RNF141: variants seen among roughly 807,000 people sequenced by gnomAD.
RNF141 encodes the protein ring finger protein 141.
Under a neutral mutation model 27.4 loss-of-function variants are expected in RNF141, and 18 were observed. The ratio of observed to expected loss-of-function variants is 0.66; its 90% confidence interval spans 0.45 to 0.97. The LOEUF is 0.97. RNF141 is among the 50% of genes least tolerant of loss of function. RNF141 has a pLI of 0.00. For synonymous variants in RNF141, 97 were observed against 96.6 expected, an observed-to-expected ratio of 1.00 and a Z score of -0.02; for missense variants, 230 against 279.4, an observed-to-expected ratio of 0.82 and a Z score of 1.26.
chr11:10,540,509 G>C (rs1328949996), intron 1 of RNF141, among the ~76,000 whole-genome samples: 1 of 152,132 alleles, frequency 6.6e-6, no homozygotes, highest in Non-Finnish European at 1.5e-5. Flanking sequence ...GCAAGAAAAC[G>C]TTCTTTTCTT....
intron 3 of RNF141, among the ~76,000 whole-genome samples, chr11:10,527,785 G>A (rs117752844): frequency 6.6e-6 from 1 of 152,158 alleles, no homozygotes; most frequent in Admixed American, 6.5e-5. Flanking sequence ...GAAGCAGGGA[G>A]ATCAGTTAGG....
intron 4 of RNF141, 102 bp downstream of exon 4, chr11:10,525,090 A>AAG (rs1554904296): frequency 1.6e-5 from 14 of 897,568 alleles, no homozygotes; most frequent in Non-Finnish European, 1.9e-5. Flanking sequence ...AGAAAAAAAA[A>AAG]AGATTTAAGA....
intron 1 of RNF141, among the ~76,000 whole-genome samples, chr11:10,540,592 A>G (rs1409634167): frequency 1.3e-5 from 2 of 152,204 alleles, no homozygotes; most frequent in East Asian, 1.9e-4. Context: ...AAGCCAATTC[A>G]TAAGTGTGGG....
intron 1 of RNF141, among the ~76,000 whole-genome samples, chr11:10,539,701 A>ATATATATATATATATATAT (rs10524171): frequency 0.092 from 2,898 of 31,362 alleles, 588 homozygotes; most frequent in Non-Finnish European, 0.12. Flanking sequence ...CATATATATT[A>ATATATATATATATATATAT]GAGAGAGAAG....
At chr11:10,515,233 G>A in intron 5 of RNF141, 167 bp from the exon 6 acceptor site, 1 of 720,332 alleles carries the variant, frequency 1.4e-6, no homozygotes, top group Non-Finnish European at 2.2e-6. Flanking sequence ...CTTTCCCAGG[G>A]GCAACCACAG....
intron 2 of RNF141, among the ~76,000 whole-genome samples, chr11:10,531,283 G>A (rs1410977497): frequency 6.6e-6 from 1 of 151,272 alleles, no homozygotes; most frequent in Non-Finnish European, 1.5e-5. Context: ...GCTGAGGCAG[G>A]AGCATTGCTT....
chr11:10,536,757 C>G (rs866489227), intron 1 of RNF141, among the ~76,000 whole-genome samples: 1 of 152,292 alleles, frequency 6.6e-6, no homozygotes, highest in South Asian at 2.1e-4. Flanking sequence ...CTGCCGCACC[C>G]GGCCAAGTCT....
chr11:10,525,999 T>A (rs1849932976), intron 3 of RNF141, among the ~76,000 whole-genome samples: 1 of 152,130 alleles, frequency 6.6e-6, no homozygotes, highest in Admixed American at 6.5e-5. Flanking sequence ...TACAATCTAA[T>A]GTAGAAGATA....
Position 10,512,476 on chromosome 11 carries a change from A to G in RNF141, c.*2440T>C, listed in dbSNP as rs1462705898. The G allele has an allele frequency of 1.3e-5, 2 of 152,784 alleles. No individual in the cohort carries two copies. Among genetic ancestry groups the G allele is most frequent in the East Asian group, 1.9e-4 (1 of 5,190 alleles). 9.5% of individuals were successfully genotyped at this position (152,784 alleles called of 1,614,324 possible). ...ATTGAGTCACTGGGCTCATTGTTAAATAACTCCTTGAAAGGTGAAGGATTC... is the reference window on the plus strand; with the variant it reads ...ATTGAGTCACTGGGCTCATTGTTAAGTAACTCCTTGAAAGGTGAAGGATTC... On this transcript the variant is annotated 3_prime_UTR_variant, in exon 6 of 6. Coordinates refer to ENST00000265981, the MANE Select transcript of RNF141 (RefSeq NM_016422.4).
At chr11:10,539,320 T>C (rs1432721732) in intron 1 of RNF141, among the ~76,000 whole-genome samples, 1 of 152,022 alleles carries the variant, frequency 6.6e-6, no homozygotes, top group Non-Finnish European at 1.5e-5. Flanking sequence ...AGGCTGAAAA[T>C]GCACCAAAAT....
At chr11:10,531,599 G>C (rs1849987469) in intron 2 of RNF141, among the ~76,000 whole-genome samples, 1 of 152,164 alleles carries the variant, frequency 6.6e-6, no homozygotes, top group Admixed American at 6.5e-5. Context: ...TCCCCTAGCA[G>C]AGTAATTTTA....
chr11:10,539,272 C>A (rs193214998), intron 1 of RNF141, among the ~76,000 whole-genome samples: 102 of 152,122 alleles, frequency 6.7e-4, no homozygotes, highest in Non-Finnish European at 1.1e-3. Context: ...AAATTTAAAC[C>A]ATAATTCATT....
chr11:10,535,969 G>A (rs943007549), intron 1 of RNF141, among the ~76,000 whole-genome samples: 1 of 152,158 alleles, frequency 6.6e-6, no homozygotes, highest in East Asian at 1.9e-4. Context: ...CACGTGCCTG[G>A]TGCTTATGTT....
chr11:10,525,507 AG>A, intron 3 of RNF141, 134 bp from the exon 4 acceptor site: 1 of 627,926 alleles, frequency 1.6e-6, no homozygotes, highest in South Asian at 2.3e-5. Context: ...TACATAAGAA[AG>A]CAAGAGTCTG....
chr11:10,536,513 C>T (rs547985171), intron 1 of RNF141, among the ~76,000 whole-genome samples: 1 of 152,216 alleles, frequency 6.6e-6, no homozygotes, highest in African/African-American at 2.4e-5. Flanking sequence ...CACTTACATG[C>T]TATTTAATAT....
rs771305588 is a variant in RNF141, at chr11:10,534,117, G to A, written c.42C>T (p.Asn14=). 2 of 1,613,432 alleles carry A rather than the reference G, an allele frequency of 1.2e-6. No individual in the cohort carries two copies. Among genetic ancestry groups the A allele is most frequent in the East Asian group, 4.5e-5 (2 of 44,838 alleles). The change falls in exon 2 of 6, where the codon AAC becomes AAT. Residue 14 remains asparagine (N), a synonymous_variant. Coordinates refer to ENST00000265981, the MANE Select transcript of RNF141 (RefSeq NM_016422.4). ...GTTTTGCTACTTTTTCTGGTAACTT[G>A]TTAATAACCAACTGTGTCTGATCCG... ...QISDQTQLVI[N]KLPEKVAKHV...
chr11:10,534,684 A>G (rs927311386), intron 1 of RNF141, among the ~76,000 whole-genome samples: 1 of 152,166 alleles, frequency 6.6e-6, no homozygotes, highest in African/African-American at 2.4e-5. Flanking sequence ...TCCCATAGAC[A>G]GGGAAACTGA....
rs1178489041 is a variant in RNF141 at position 10,513,935 on chromosome 11, C to T, written c.*981G>A. On this transcript the variant is annotated 3_prime_UTR_variant, in exon 6 of 6. Coordinates refer to ENST00000265981, the MANE Select transcript of RNF141 (RefSeq NM_016422.4). The stretch of plus-strand genomic sequence containing the variant: ...AAATGATCCACCCACCTCGGCCTCC[C>T]AAAGTGCTGGGATTACAGGTGTGAA... 1 of 152,184 alleles carries T rather than the reference C, an allele frequency of 6.6e-6. No homozygotes were observed. The highest frequency in any genetic ancestry group is 1.5e-5 in the Non-Finnish European group (1 of 68,046). 9.4% of individuals were successfully genotyped at this position (152,184 alleles called of 1,614,324 possible).
At position 10,514,873 on chromosome 11, in the gene RNF141, A is replaced by G. The variant is rs1849831124; in HGVS notation, c.*43T>C. 1 of 1,562,016 alleles carries G rather than the reference A, an allele frequency of 6.4e-7. No homozygotes were observed. The highest frequency in any genetic ancestry group is 1.2e-5 in the South Asian group (1 of 82,474). Reference sequence around the variant, plus strand: ...CCCTACATTCTTCCCCCATGACCAAATATTTGAGCCCACAATAGCAACAGA... The same window carrying G: ...CCCTACATTCTTCCCCCATGACCAAGTATTTGAGCCCACAATAGCAACAGA... On this transcript the variant is annotated 3_prime_UTR_variant, in exon 6 of 6. Coordinates refer to ENST00000265981, the MANE Select transcript of RNF141 (RefSeq NM_016422.4).
Sources: allele counts gnomAD v4.1 joint callset (sites outside exome capture counted in the v4.1 genomes callset), GRCh38; gene constraint gnomAD v4.1.1; transcripts MANE v1.5; gene names NCBI Gene and HGNC (gene_info 2026-07-23, HGNC 2026-07-21).